Variants in GPC6 observed in about 807,000 individuals in gnomAD.
GPC6 encodes the protein glypican-6.
In GPC6, 14 loss-of-function variants were observed where a neutral mutation model predicts 55.2. The observed-to-expected ratio is 0.25, with a 90% CI of 0.17 to 0.40. The LOEUF (loss-of-function observed/expected upper bound fraction) is 0.40. GPC6 is among the 10% of genes least tolerant of loss of function. The pLI is 1.00. For synonymous variants in GPC6, 278 were observed against 259.6 expected (o/e 1.07, Z -0.68); for missense variants, 641 against 708.5 (o/e 0.90, Z 1.08).
chr13:93,887,829 G>T (rs555280569), intron 3 of GPC6, among the ~76,000 whole-genome samples: 2 of 152,136 alleles, frequency 1.3e-5, no homozygotes, highest in South Asian at 4.2e-4. Flanking sequence ...TGATTCCAGA[G>T]GTAGCAAAAT....
At chr13:93,950,306 A>G (rs1207411149) in intron 3 of GPC6, among the ~76,000 whole-genome samples, 1 of 152,254 alleles carries the variant, frequency 6.6e-6, no homozygotes, top group Non-Finnish European at 1.5e-5. Flanking sequence ...ACTATGCCTT[A>G]TTTATGATAG....
intron 1 of GPC6, among the ~76,000 whole-genome samples, chr13:93,277,189 G>T (rs570836351): frequency 4.7e-4 from 72 of 152,160 alleles, no homozygotes; most frequent in African/African-American, 1.6e-3. Context: ...TTTACCGTGG[G>T]TGAAGGAATT....
intron 3 of GPC6, among the ~76,000 whole-genome samples, chr13:93,967,125 G>A (rs1288093386): frequency 1.3e-5 from 2 of 152,160 alleles, no homozygotes; most frequent in East Asian, 1.9e-4. Flanking sequence ...CACACATGTG[G>A]TGGTTTTGCT....
intron 4 of GPC6, among the ~76,000 whole-genome samples, chr13:94,199,428 ACCTCC>A (rs1889684656): frequency 6.6e-6 from 1 of 151,916 alleles, no homozygotes; most frequent in Non-Finnish European, 1.5e-5. Flanking sequence ...AGCTGCTTGC[ACCTCC>A]CCATCTTTAG....
Position 93,594,871 on chromosome 13 carries a change from A to G in GPC6, c.319+49450A>G, listed in dbSNP as rs182392853. 3.1e-3 allele frequency among the ~76,000 whole-genome samples: 471 copies of G among 151,518 alleles called. 3 individuals carry two copies. Among genetic ancestry groups the G allele is most frequent in the African/African-American group, 0.01 (432 of 41,246 alleles). ...CCTGTTTTAGAAGTGCACTTATTCT[A>G]TTCATGAGGGCTCCAACCTCATGGC... On this transcript the variant is annotated intron_variant, in intron 2 of 8. Coordinates refer to ENST00000377047, the MANE Select transcript of GPC6 (RefSeq NM_005708.5).
intron 4 of GPC6, among the ~76,000 whole-genome samples, chr13:94,154,021 T>C (rs536577125): frequency 6.6e-6 from 1 of 152,300 alleles, no homozygotes; most frequent in South Asian, 2.1e-4. Context: ...AACCCAGTCA[T>C]TCATATCAGC....
intron 4 of GPC6, among the ~76,000 whole-genome samples, chr13:94,130,823 A>C (rs1886978694): frequency 6.6e-6 from 1 of 152,170 alleles, no homozygotes; most frequent in South Asian, 2.1e-4. Flanking sequence ...AATACTAAGC[A>C]TTACTTCATA....
At chr13:93,927,897 A>G (rs1877945138) in intron 3 of GPC6, among the ~76,000 whole-genome samples, 1 of 152,152 alleles carries the variant, frequency 6.6e-6, no homozygotes, top group South Asian at 2.1e-4. Flanking sequence ...ATTTATAATC[A>G]CTAGACTAAA....
intron 1 of GPC6, among the ~76,000 whole-genome samples, chr13:93,399,448 G>A (rs35780256): frequency 0.038 from 5,719 of 152,252 alleles, 165 homozygotes; most frequent in Non-Finnish European, 0.057. Context: ...TTGAGTGAAG[G>A]AAATCAATAA....
intron 1 of GPC6, among the ~76,000 whole-genome samples, chr13:93,322,223 T>A (rs2139124014): frequency 6.6e-6 from 1 of 152,136 alleles, no homozygotes; most frequent in South Asian, 2.1e-4. Flanking sequence ...GTCATGGAGT[T>A]TGTTGTACAA....
intron 4 of GPC6, among the ~76,000 whole-genome samples, chr13:94,065,372 T>A (rs1566357621): frequency 1.3e-5 from 2 of 152,204 alleles, no homozygotes; most frequent in African/African-American, 2.4e-5. Flanking sequence ...AGCCCTGAGA[T>A]GAAATCCATA....
intron 1 of GPC6, among the ~76,000 whole-genome samples, chr13:93,488,104 T>C (rs1018002098): frequency 2.0e-5 from 3 of 152,200 alleles, no homozygotes; most frequent in Non-Finnish European, 4.4e-5. Context: ...TATCGCCTAA[T>C]GCTATCCCTC....
At chr13:93,617,957 A>C (rs564443802) in intron 2 of GPC6, among the ~76,000 whole-genome samples, 2 of 152,234 alleles carry the variant, frequency 1.3e-5, no homozygotes, top group East Asian at 3.9e-4. Flanking sequence ...CTGCCCATCC[A>C]TTATTAAAAG....
intron 3 of GPC6, 121 bp from the exon 4 acceptor site, chr13:94,027,608 A>G (rs1311467298): frequency 1.2e-6 from 1 of 857,496 alleles, no homozygotes; most frequent in Admixed American, 2.0e-5. Flanking sequence ...GATGGATTCA[A>G]GATCAGTAAT....
intron 1 of GPC6, among the ~76,000 whole-genome samples, chr13:93,312,312 C>T (rs761570313): frequency 3.9e-5 from 6 of 152,080 alleles, no homozygotes; most frequent in Non-Finnish European, 8.8e-5. Flanking sequence ...ACACTTATGT[C>T]CTGTGTATAT....
chr13:93,727,663 A>G (rs1883690122), intron 2 of GPC6, among the ~76,000 whole-genome samples: 1 of 152,214 alleles, frequency 6.6e-6, no homozygotes, highest in Non-Finnish European at 1.5e-5. Flanking sequence ...GTTTGTGCAT[A>G]GGAAAGTGCA....
intron 3 of GPC6, among the ~76,000 whole-genome samples, chr13:94,013,425 A>C (rs1251764167): frequency 6.6e-6 from 1 of 152,164 alleles, no homozygotes; most frequent in Non-Finnish European, 1.5e-5. Flanking sequence ...ATCTCAGCTC[A>C]CCACACCCTC....
intron 2 of GPC6, among the ~76,000 whole-genome samples, chr13:93,745,458 G>A (rs1348046426): frequency 6.6e-6 from 1 of 152,060 alleles, no homozygotes; most frequent in African/African-American, 2.4e-5. Context: ...TTAAGTCACT[G>A]ACTTCTCCAC....
At chr13:94,117,316 A>C (rs549921699) in intron 4 of GPC6, among the ~76,000 whole-genome samples, 2 of 152,120 alleles carry the variant, frequency 1.3e-5, no homozygotes, top group African/African-American at 4.8e-5. Context: ...TTGTATCCTG[A>C]ATAATAATTC....
Sources: gnomAD v4.1 joint callset for allele counts (sites outside exome capture counted in the v4.1 genomes callset) on GRCh38, gnomAD v4.1.1 for gene constraint, MANE v1.5 for transcripts, NCBI Gene and HGNC (gene_info 2026-07-23, HGNC 2026-07-21) for gene names.